UBN2: variants seen among roughly 807,000 people sequenced by gnomAD.
The protein encoded by UBN2 is ubinuclein 2, also known as ubinuclein-2.
In UBN2, 35 loss-of-function variants were observed where a neutral mutation model predicts 120.2. That is an observed-to-expected ratio of 0.29 (90% CI 0.22 to 0.39). UBN2 has a LOEUF of 0.39. Ranked by LOEUF, UBN2 falls within the 10% of genes least tolerant of loss-of-function variation. The pLI, the probability that UBN2 is intolerant of heterozygous loss-of-function variation, is 1.00. For synonymous variants in UBN2, 661 were observed against 648.7 expected (o/e 1.02, Z -0.29); for missense variants, 1,693 against 1,663.2 (o/e 1.02, Z -0.31).
Position 139,273,526 on chromosome 7 carries a change from A to T in UBN2, c.1829+116A>T, listed in dbSNP as rs1797351782. 8.8e-6 allele frequency: 6 copies of T among 678,562 alleles called. No individual in the cohort carries two copies. The East Asian group carries it at 1.7e-4, about 20-fold the overall frequency. 42.0% of individuals were successfully genotyped at this position (678,562 alleles called of 1,614,324 possible). A position where few individuals can be genotyped will look rare whatever the true frequency, so the allele number is the denominator to read the frequency against. ...TGGAAGCAACCAAAGATTAGTGTGT[A>T]GGAAAAAATTATTCAAGAGAAGATT... is the stretch of plus-strand genomic sequence containing the variant. On this transcript the variant is annotated intron_variant, in intron 10 of 17. Transcript: ENST00000473989.
At chr7:139,268,668 C>T (rs944985391) in intron 7 of UBN2, among the ~76,000 whole-genome samples, 6 of 152,148 alleles carry the variant, frequency 3.9e-5, no homozygotes, top group African/African-American at 1.4e-4. Flanking sequence ...GTTGCCCAGC[C>T]TGGAGCAGTG....
Position 139,293,267 on chromosome 7 carries a change from A to T in UBN2, c.3705A>T (p.Ser1235=), listed in dbSNP as rs1438157994. Residue 1235 remains serine, a synonymous_variant, in exon 16 of 18, where the codon TCA becomes TCT. Transcript: ENST00000473989. ...GAGCATCATTATTGGCTAATGCCTC[A>T]CCTCTGACTCTCATGACATCACCTT... ...TAGASLLANA[S]PLTLMTSPLS... The T allele has an allele frequency of 6.2e-7, 1 of 1,614,070 alleles. No individual in the cohort carries two copies. Among genetic ancestry groups the T allele is most frequent in the African/African-American group, 1.3e-5 (1 of 74,920 alleles).
At chr7:139,276,026 T>C (rs1563218975) in intron 11 of UBN2, 71 bp from the exon 12 acceptor site, 2 of 1,281,600 alleles carry the variant, frequency 1.6e-6, no homozygotes, top group East Asian at 2.5e-5. Flanking sequence ...TAAATTACTT[T>C]AAAAAATAAA....
At chr7:139,276,329 C>G in intron 12 of UBN2, 182 bp downstream of exon 12, 1 of 607,664 alleles carries the variant, frequency 1.6e-6, no homozygotes. Context: ...CTCTAAACAC[C>G]TACTAAATCC....
chr7:139,314,206 C>G, the UBN2 span, among the ~76,000 whole-genome samples: 13 of 150,636 alleles, frequency 8.6e-5, no homozygotes, highest in South Asian at 2.8e-3. Context: ...CCTGTAATCC[C>G]AGCACTTTGG....
In UBN2 at chr7:139,271,237, T is replaced by G. The variant is rs1205587109; in HGVS notation, c.1597-1085T>G. Among the ~76,000 whole-genome samples the G allele has an allele frequency of 2.0e-5, 3 of 152,240 alleles. No individual in the cohort carries two copies. In the South Asian group the frequency reaches 6.2e-4, roughly 31 times the overall value. ...CTGGTGTTCATGGAATAGGTTAATA[T>G]GCTTATTTGTAATATTTGTGTTTTA... On this transcript the variant is annotated intron_variant, in intron 8 of 17. Transcript: ENST00000473989.
At chr7:139,279,761 GT>G (rs1272222679) in intron 13 of UBN2, among the ~76,000 whole-genome samples, 1 of 152,122 alleles carries the variant, frequency 6.6e-6, no homozygotes, top group Non-Finnish European at 1.5e-5. Flanking sequence ...TCACTTTATG[GT>G]TTCTTTTTAC....
chr7:139,260,528 T>G (rs1796897820), intron 5 of UBN2, among the ~76,000 whole-genome samples: 1 of 152,192 alleles, frequency 6.6e-6, no homozygotes, highest in Admixed American at 6.6e-5. Flanking sequence ...TCTCTGTGGC[T>G]TTTTTCACAG....
chr7:139,253,375 G>A (rs992142505), intron 3 of UBN2, among the ~76,000 whole-genome samples: 2 of 152,150 alleles, frequency 1.3e-5, no homozygotes, highest in Non-Finnish European at 2.9e-5. Context: ...TGGTCAAAGG[G>A]CATTTATTTG....
the UBN2 span, among the ~76,000 whole-genome samples, chr7:139,319,929 A>C: frequency 6.6e-6 from 1 of 151,218 alleles, no homozygotes; most frequent in South Asian, 2.1e-4. Flanking sequence ...ACAAAAAATT[A>C]GCTGAGTGTG....
chr7:139,308,647 G>A (rs575963220), downstream of UBN2, among the ~76,000 whole-genome samples: 13 of 152,256 alleles, frequency 8.5e-5, no homozygotes, highest in Admixed American at 3.3e-4. Flanking sequence ...AAGGCAGAGC[G>A]TGGGAGTCCT....
chr7:139,284,832 T>C (rs1797736654), intron 15 of UBN2, among the ~76,000 whole-genome samples: 1 of 152,108 alleles, frequency 6.6e-6, no homozygotes, highest in Non-Finnish European at 1.5e-5. Flanking sequence ...CAGAACGATG[T>C]CTTCATTACA....
chr7:139,260,564 G>A (rs1796899235), intron 5 of UBN2, among the ~76,000 whole-genome samples: 1 of 152,096 alleles, frequency 6.6e-6, no homozygotes, highest in Non-Finnish European at 1.5e-5. Context: ...GCTTGTGAGA[G>A]GCTGAATTTT....
At chr7:139,309,954 A>G (rs148156840), downstream of UBN2, among the ~76,000 whole-genome samples, 490 of 152,196 alleles carry the variant, frequency 3.2e-3, 1 homozygote, top group African/African-American at 0.011. Flanking sequence ...ACTTTTTCTT[A>G]TTTTTCCTTT....
At chr7:139,270,558 C>CG (rs1271924002) in intron 8 of UBN2, among the ~76,000 whole-genome samples, 1 of 151,514 alleles carries the variant, frequency 6.6e-6, no homozygotes. Flanking sequence ...CGTGAGCCAC[C>CG]GTGCCTGGCC....
At chr7:139,324,385 G>A in the UBN2 span, among the ~76,000 whole-genome samples, 1 of 150,924 alleles carries the variant, frequency 6.6e-6, no homozygotes, top group Non-Finnish European at 1.5e-5. Context: ...GTGAAACCCC[G>A]TCTCTACTAA....
At position 139,258,576 on chromosome 7, in the gene UBN2, A is replaced by G. The variant is rs1178013885; in HGVS notation, c.752A>G (p.Asp251Gly). The change falls in exon 4 of 18, where the codon GAT (aspartate) becomes GGT (glycine). Residue 251 changes from aspartate to glycine, a missense_variant. Physicochemically the swap from Asp to Gly is moderately conservative, Grantham distance 94 (BLOSUM62 -1). Coordinates refer to ENST00000473989, the MANE Select transcript of UBN2 (RefSeq NM_173569.4). Reference protein sequence around the residue: ...TGTLQFRQASDTEEDDITDNQ... With the variant: ...TGTLQFRQASGTEEDDITDNQ... ...ACTCTACAGTTTCGCCAAGCTTCAGATACTGAAGAAGATGATATTACAGAC... is the reference window on the plus strand; with the variant it reads ...ACTCTACAGTTTCGCCAAGCTTCAGGTACTGAAGAAGATGATATTACAGAC... 2.5e-6 allele frequency: 4 copies of G among 1,607,892 alleles called. No homozygotes were observed. The highest frequency in any genetic ancestry group is 3.4e-6 in the Non-Finnish European group (4 of 1,176,550).
downstream of UBN2, among the ~76,000 whole-genome samples, chr7:139,311,198 C>G (rs1239161345): frequency 6.6e-6 from 1 of 152,156 alleles, no homozygotes; most frequent in Non-Finnish European, 1.5e-5. Flanking sequence ...ATCATGAGAT[C>G]GTACACCTTT....
At position 139,307,020 on chromosome 7, in the gene UBN2, G is replaced by A. The variant is rs1798369650; in HGVS notation, c.*9184G>A. ...CATACTTCGGTGTGAATTTTGATAA[G>A]GGAAAGACTTGTTTGGTAGCCCAAG... On this transcript the variant is annotated 3_prime_UTR_variant, in exon 18 of 18. Transcript: ENST00000473989. 6.6e-6 allele frequency: 1 copy of A among 152,150 alleles called. No individual in the cohort carries two copies. The highest frequency in any genetic ancestry group is 1.5e-5 in the Non-Finnish European group (1 of 68,014). 9.4% of individuals were successfully genotyped at this position (152,150 alleles called of 1,614,324 possible).
Sources: gnomAD v4.1 joint callset for allele counts (sites outside exome capture counted in the v4.1 genomes callset) on GRCh38, gnomAD v4.1.1 for gene constraint, MANE v1.5 for transcripts, NCBI Gene and HGNC (gene_info 2026-07-23, HGNC 2026-07-21) for gene names.